The following PPM1L variants were observed in gnomAD, a reference collection of about 807,000 sequenced individuals.
The protein encoded by PPM1L is protein phosphatase 1L.
In PPM1L, 13 loss-of-function variants were observed where a neutral mutation model predicts 31.4. The observed-to-expected ratio is 0.41, with a 90% CI of 0.27 to 0.66. PPM1L has a LOEUF of 0.66. Among genes scored for constraint, PPM1L ranks in the 30% least tolerant of loss-of-function variants. PPM1L has a pLI of 0.29. For synonymous variants in PPM1L, 184 were observed against 175.4 expected (o/e 1.05, Z -0.39); for missense variants, 326 against 453.7 (o/e 0.72, Z 2.56).
At chr3:160,900,081 A>G (rs1287887678) in intron 1 of PPM1L, among the ~76,000 whole-genome samples, 4 of 152,096 alleles carry the variant, frequency 2.6e-5, no homozygotes, top group Non-Finnish European at 5.9e-5. Flanking sequence ...TATACCTATT[A>G]TCAATATAAA....
At chr3:160,917,095 A>G (rs17236711) in intron 1 of PPM1L, among the ~76,000 whole-genome samples, 3,773 of 152,274 alleles carry the variant, frequency 0.025, 80 homozygotes, top group Middle Eastern at 0.034. Context: ...CTTGAATGCT[A>G]CTTATACTAT....
chr3:161,058,965 A>G (rs907397944), intron 2 of PPM1L, among the ~76,000 whole-genome samples: 1 of 152,302 alleles, frequency 6.6e-6, no homozygotes, highest in East Asian at 1.9e-4. Flanking sequence ...AGCTTAGAAT[A>G]ACTTTTTTGT....
chr3:160,856,531 T>C (rs1424239472), intron 1 of PPM1L, among the ~76,000 whole-genome samples: 1 of 152,136 alleles, frequency 6.6e-6, no homozygotes, highest in Non-Finnish European at 1.5e-5. Context: ...CTGGAGGCCA[T>C]TATCCTAAGC....
chr3:160,805,196 T>A (rs1409849772), intron 1 of PPM1L, among the ~76,000 whole-genome samples: 1 of 152,250 alleles, frequency 6.6e-6, no homozygotes, highest in African/African-American at 2.4e-5. Context: ...GTGTAATTTA[T>A]ATCACTTTGA....
At chr3:160,779,910 C>T (rs534611958) in intron 1 of PPM1L, among the ~76,000 whole-genome samples, 2 of 152,032 alleles carry the variant, frequency 1.3e-5, no homozygotes, top group Non-Finnish European at 1.5e-5. Flanking sequence ...TGAAAAAATG[C>T]GAATGATTTT....
intron 1 of PPM1L, among the ~76,000 whole-genome samples, chr3:160,780,109 C>T (rs750862975): frequency 8.5e-5 from 13 of 152,068 alleles, no homozygotes; most frequent in Non-Finnish European, 4.4e-5. Context: ...ATTGCAGCCT[C>T]AAACTCCTGG....
chr3:160,927,726 G>A (rs377283091), intron 1 of PPM1L, among the ~76,000 whole-genome samples: 51 of 152,238 alleles, frequency 3.4e-4, no homozygotes, highest in African/African-American at 5.3e-4. Flanking sequence ...GTAGCTGGTC[G>A]AACGAAACTT....
chr3:160,826,701 A>G (rs878958210), intron 1 of PPM1L, among the ~76,000 whole-genome samples: 9 of 152,166 alleles, frequency 5.9e-5, no homozygotes, highest in Non-Finnish European at 7.3e-5. Flanking sequence ...TAAAAGTACT[A>G]TCTTTAAAAG....
chr3:160,867,926 C>A (rs935020755), intron 1 of PPM1L, among the ~76,000 whole-genome samples: 3 of 152,048 alleles, frequency 2.0e-5, no homozygotes, highest in African/African-American at 4.8e-5. Context: ...GGCTAAATAA[C>A]CTAAACCACT....
At chr3:160,868,644 T>C (rs1023182176) in intron 1 of PPM1L, among the ~76,000 whole-genome samples, 1 of 152,158 alleles carries the variant, frequency 6.6e-6, no homozygotes, top group African/African-American at 2.4e-5. Context: ...GATCTACTTA[T>C]TTTTGATGCA....
chr3:161,059,358 A>T (rs538907323), intron 2 of PPM1L, among the ~76,000 whole-genome samples: 1 of 152,282 alleles, frequency 6.6e-6, no homozygotes, highest in Admixed American at 6.5e-5. Flanking sequence ...CATGAGCTAT[A>T]CATGTACAGG....
intron 1 of PPM1L, among the ~76,000 whole-genome samples, chr3:160,933,812 C>A (rs976624093): frequency 1.3e-5 from 2 of 151,966 alleles, no homozygotes; most frequent in African/African-American, 4.8e-5. Flanking sequence ...ATGACTCAAT[C>A]TGATTACATA....
At position 161,069,277 on chromosome 3, in the gene PPM1L, C is replaced by A; in HGVS notation, c.*120C>A. On this transcript the variant is annotated 3_prime_UTR_variant, in exon 4 of 4. Coordinates refer to ENST00000498165, the MANE Select transcript of PPM1L (RefSeq NM_139245.4). Reference sequence around the variant, plus strand: ...CATCCACCCCAGACATGGAATCCCCCCTCCCTGGTGGTCTTAGGTCTATAA... The same window carrying A: ...CATCCACCCCAGACATGGAATCCCCACTCCCTGGTGGTCTTAGGTCTATAA... 1.3e-6 allele frequency: 1 copy of A among 780,618 alleles called. No homozygotes were observed. The highest frequency in any genetic ancestry group is 2.0e-6 in the Non-Finnish European group (1 of 501,334). 48.4% of individuals were successfully genotyped at this position (780,618 alleles called of 1,614,324 possible). A position where few individuals can be genotyped will look rare whatever the true frequency, so the allele number is the denominator to read the frequency against.
chr3:161,049,284 AAAACC>A (rs1376193146), intron 2 of PPM1L, among the ~76,000 whole-genome samples: 8 of 151,976 alleles, frequency 5.3e-5, no homozygotes, highest in African/African-American at 1.4e-4. Context: ...TCTCAAAAAA[AAAACC>A]AAACCAAAAC....
intron 1 of PPM1L, among the ~76,000 whole-genome samples, chr3:160,879,728 T>A (rs1049591911): frequency 2.0e-5 from 3 of 152,210 alleles, no homozygotes; most frequent in Non-Finnish European, 4.4e-5. Context: ...AACACAGATT[T>A]CTATGTCCCA....
At chr3:160,805,499 A>G (rs569485498) in intron 1 of PPM1L, among the ~76,000 whole-genome samples, 1 of 152,258 alleles carries the variant, frequency 6.6e-6, no homozygotes, top group East Asian at 1.9e-4. Flanking sequence ...AGGCAGGTGG[A>G]TCACTTGAGG....
intron 2 of PPM1L, among the ~76,000 whole-genome samples, chr3:160,998,139 T>A (rs1315908296): frequency 6.6e-6 from 1 of 152,098 alleles, no homozygotes; most frequent in Non-Finnish European, 1.5e-5. Flanking sequence ...ACTGGAAAAA[T>A]TTCTCTCTTG....
intron 1 of PPM1L, among the ~76,000 whole-genome samples, chr3:160,767,321 C>T (rs1363653411): frequency 1.3e-5 from 2 of 151,842 alleles, no homozygotes; most frequent in African/African-American, 4.8e-5. Flanking sequence ...GCAAACTCCA[C>T]CTCCCAGGCT....
intron 2 of PPM1L, among the ~76,000 whole-genome samples, chr3:161,023,796 G>A (rs554714358): frequency 6.6e-6 from 1 of 152,120 alleles, no homozygotes; most frequent in Admixed American, 6.5e-5. Context: ...GTACTTTCCT[G>A]TTTCTTTGCA....
Sources: allele counts gnomAD v4.1 joint callset (sites outside exome capture counted in the v4.1 genomes callset), GRCh38; gene constraint gnomAD v4.1.1; transcripts MANE v1.5; gene names NCBI Gene and HGNC (gene_info 2026-07-23, HGNC 2026-07-21).